LTBP1: variants seen among roughly 807,000 people sequenced by gnomAD.
LTBP1 encodes latent transforming growth factor beta binding protein 1, also known as latent-transforming growth factor beta-binding protein 1.
In LTBP1, 129 loss-of-function variants were observed where a neutral mutation model predicts 207.6. That is an observed-to-expected ratio of 0.62 (90% CI 0.54 to 0.72). LTBP1 has a LOEUF of 0.72. Among genes scored for constraint, LTBP1 ranks in the 30% least tolerant of loss-of-function variants. The pLI is 0.00. For missense variants in LTBP1, 2,281 were observed against 2,217.2 expected, an observed-to-expected ratio of 1.03 and a Z score of -0.58; for synonymous variants, 963 against 833.7, an observed-to-expected ratio of 1.16 and a Z score of -2.67.
chr2:33,272,445 T>C (rs1247317700), intron 15 of LTBP1, among the ~76,000 whole-genome samples: 3 of 152,236 alleles, frequency 2.0e-5, no homozygotes, highest in African/African-American at 7.2e-5. Context: ...TACTATACGA[T>C]GACAGATAAT....
At chr2:33,239,674 C>G (rs950677243) in intron 9 of LTBP1, among the ~76,000 whole-genome samples, 6 of 150,846 alleles carry the variant, frequency 4.0e-5, no homozygotes, top group African/African-American at 1.5e-4. Context: ...GGGCGGATCA[C>G]TTGAGGTCAG....
At chr2:33,270,252 A>G (rs1259891804) in intron 15 of LTBP1, among the ~76,000 whole-genome samples, 2 of 151,932 alleles carry the variant, frequency 1.3e-5, no homozygotes, top group Non-Finnish European at 2.9e-5. Flanking sequence ...AGTAGTGAAT[A>G]GAAAGCAGAC....
chr2:32,996,013 T>C (rs929343523), intron 2 of LTBP1, among the ~76,000 whole-genome samples: 8 of 152,240 alleles, frequency 5.3e-5, no homozygotes, highest in African/African-American at 1.7e-4. Flanking sequence ...TGCTTTCCTA[T>C]ACATATCGAT....
intron 2 of LTBP1, among the ~76,000 whole-genome samples, chr2:32,998,231 T>C (rs912626985): frequency 6.6e-6 from 1 of 151,948 alleles, no homozygotes; most frequent in Non-Finnish European, 1.5e-5. Context: ...AAAACCATGG[T>C]TGTTGGCTGA....
intron 4 of LTBP1, among the ~76,000 whole-genome samples, chr2:33,119,848 C>T (rs7601809): frequency 0.37 from 56,628 of 152,070 alleles, 10,706 homozygotes; most frequent in South Asian, 0.44. Flanking sequence ...GAGAGCACTG[C>T]GCCTGGCCTG....
At chr2:33,239,840 G>A (rs546080061) in intron 9 of LTBP1, among the ~76,000 whole-genome samples, 21 of 151,890 alleles carry the variant, frequency 1.4e-4, no homozygotes, top group Non-Finnish European at 2.6e-4. Context: ...GGAGGCGAAG[G>A]TTGCAGCGAC....
chr2:33,113,453 A>C (rs769986649), intron 4 of LTBP1, among the ~76,000 whole-genome samples: 18 of 152,242 alleles, frequency 1.2e-4, no homozygotes, highest in Non-Finnish European at 1.9e-4. Context: ...TGTCAAACGC[A>C]GCACTCTCCA....
intron 24 of LTBP1, among the ~76,000 whole-genome samples, chr2:33,326,586 A>T (rs932451255): frequency 2.6e-5 from 4 of 151,704 alleles, no homozygotes; most frequent in African/African-American, 9.7e-5. Flanking sequence ...TCTTCTATAC[A>T]TTTACCCTGC....
intron 20 of LTBP1, among the ~76,000 whole-genome samples, chr2:33,295,879 G>A (rs533013901): frequency 2.0e-5 from 3 of 152,266 alleles, no homozygotes; most frequent in Non-Finnish European, 2.9e-5. Flanking sequence ...TCCACTGGCA[G>A]TAGGGAACAT....
At chr2:33,248,248 T>G (rs1257362779) in intron 10 of LTBP1, among the ~76,000 whole-genome samples, 2 of 152,256 alleles carry the variant, frequency 1.3e-5, no homozygotes, top group East Asian at 3.8e-4. Flanking sequence ...CTAAGCACTT[T>G]ATGTGAATTA....
chr2:33,251,216 A>T (rs1158095151), intron 10 of LTBP1, among the ~76,000 whole-genome samples: 1 of 152,208 alleles, frequency 6.6e-6, no homozygotes, highest in African/African-American at 2.4e-5. Flanking sequence ...ATCCTAAGGC[A>T]CTGAAGAATC....
At chr2:33,294,152 C>T (rs1403462834) in intron 20 of LTBP1, among the ~76,000 whole-genome samples, 2 of 151,592 alleles carry the variant, frequency 1.3e-5, no homozygotes, top group African/African-American at 4.8e-5. Flanking sequence ...ATTACAGGCA[C>T]ACGCCACCAC....
intron 5 of LTBP1, among the ~76,000 whole-genome samples, chr2:33,152,286 A>T (rs991955290): frequency 6.6e-6 from 1 of 152,230 alleles, no homozygotes; most frequent in African/African-American, 2.4e-5. Context: ...TCAAAAGATG[A>T]TATACAGATG....
Position 32,954,745 on chromosome 2 carries a change from G to A in LTBP1, c.565+5800G>A, listed in dbSNP as rs566759414. Among the ~76,000 whole-genome samples the A allele has an allele frequency of 2.6e-5, 4 of 152,172 alleles. No homozygotes were observed. In the South Asian group the frequency reaches 6.2e-4, roughly 24 times the overall value. On this transcript the variant is annotated intron_variant, in intron 2 of 33. Transcript: ENST00000404816. ...AGGTTGGAGAGATGGGCTATTCAGA[G>A]TTGGCTCATTCCTGGGGCACTTGGG...
intron 9 of LTBP1, among the ~76,000 whole-genome samples, chr2:33,225,717 A>G (rs575837539): frequency 1.4e-4 from 22 of 152,284 alleles, no homozygotes; most frequent in East Asian, 1.4e-3. Context: ...TAACAAATCT[A>G]TCTTTAACTT....
chr2:32,992,292 A>G lies in LTBP1; in HGVS notation c.566-28617A>G, dbSNP rs1361813335. On this transcript the variant is annotated intron_variant, in intron 2 of 33. Transcript: ENST00000404816. ...ATTGGGGTTCAAAGGAGAAAGAGTG[A>G]TATCAAACTCAGCTGTGCTAGAAGA... Among the ~76,000 whole-genome samples, 5 of 152,168 alleles carry G rather than the reference A, an allele frequency of 3.3e-5. No individual in the cohort carries two copies. In the East Asian group the frequency reaches 7.7e-4, roughly 23 times the overall value.
chr2:33,233,723 A>G (rs2091908061), intron 9 of LTBP1, among the ~76,000 whole-genome samples: 2 of 152,072 alleles, frequency 1.3e-5, no homozygotes, highest in Non-Finnish European at 2.9e-5. Context: ...TTTTCTTTTT[A>G]TGATACTGTT....
chr2:33,286,441 A>G (rs957328672), intron 19 of LTBP1, among the ~76,000 whole-genome samples: 1 of 152,376 alleles, frequency 6.6e-6, no homozygotes, highest in Admixed American at 6.5e-5. Context: ...TTCATGGCTT[A>G]TATGAATATT....
At chr2:32,960,559 A>T (rs1678937111) in intron 2 of LTBP1, among the ~76,000 whole-genome samples, 1 of 152,126 alleles carries the variant, frequency 6.6e-6, no homozygotes, top group South Asian at 2.1e-4. Context: ...TCATCATCTG[A>T]TAGAGATTTG....
Sources: gnomAD v4.1 joint callset for allele counts (sites outside exome capture counted in the v4.1 genomes callset) on GRCh38, gnomAD v4.1.1 for gene constraint, MANE v1.5 for transcripts, NCBI Gene and HGNC (gene_info 2026-07-23, HGNC 2026-07-21) for gene names.